The following MYRF variants were observed in gnomAD, a reference collection of about 807,000 sequenced individuals.
MYRF encodes myelin gene regulatory factor.
In MYRF, 16 loss-of-function variants were observed where a neutral mutation model predicts 126.3. The observed-to-expected ratio is 0.13, with a 90% CI of 0.09 to 0.19. The LOEUF (loss-of-function observed/expected upper bound fraction) is 0.19, where lower values mean the gene tolerates loss of function less well. Ranked by LOEUF, MYRF falls within the 10% of genes least tolerant of loss-of-function variation. MYRF has a pLI of 1.00. For synonymous variants in MYRF, 608 were observed against 635.3 expected (o/e 0.96, Z 0.65); for missense variants, 1,104 against 1,547.0 (o/e 0.71, Z 4.80).
In MYRF at chr11:61,771,962, C is replaced by T. The variant is rs146173629; in HGVS notation, c.1115+10C>T. ...CTAACTACAAGGAGCTGTGAGTGCCCTACAACACTCCCCACTCCTCCAGGC... is the reference window on the plus strand; with the variant it reads ...CTAACTACAAGGAGCTGTGAGTGCCTTACAACACTCCCCACTCCTCCAGGC... On this transcript the variant is annotated intron_variant, in intron 7 of 26. Transcript: ENST00000278836. 167 of 1,613,734 alleles carry T rather than the reference C, an allele frequency of 1.0e-4. No homozygotes were observed. The highest frequency in any genetic ancestry group is 3.3e-4 in the Middle Eastern group (2 of 6,050).
In MYRF at chr11:61,781,654, C is replaced by G; in HGVS notation, c.2846C>G (p.Ser949Cys). 1 of 1,613,836 alleles carries G rather than the reference C, an allele frequency of 6.2e-7. No homozygotes were observed. Among genetic ancestry groups the G allele is most frequent in the Non-Finnish European group, 8.5e-7 (1 of 1,180,024 alleles). The change falls in exon 22 of 27, where the codon TCC becomes TGC. Residue 949 changes from serine (S) to cysteine (C), a missense_variant. By Grantham distance (112) the Ser-to-Cys change is moderately radical. This residue lies in a region of MYRF where 323 missense variants were observed against 383.1 expected (regional missense o/e 0.84). Transcript: ENST00000278836. ...WGLSVNGIGH[S>C]KHHKSLEPLA... ...CTTTCAGTCAATGGCATTGGCCACT[C>G]CAAGCATCACAAGAGTCTGGAGCCT...
chr11:61,785,545 A>G (rs1373250283), intron 25 of MYRF: 2 of 554,510 alleles, frequency 3.6e-6, no homozygotes, highest in African/African-American at 3.8e-5. Context: ...ACCCAGCACA[A>G]CAGGACTGGG....
At chr11:61,769,813 C>G (rs539303748) in intron 4 of MYRF, among the ~76,000 whole-genome samples, 1 of 152,244 alleles carries the variant, frequency 6.6e-6, no homozygotes, top group South Asian at 2.1e-4. Context: ...GGGGCCTCCC[C>G]GCTCAGGCTG....
chr11:61,779,741 G>A, intron 16 of MYRF, 101 bp from the exon 17 acceptor site: 1 of 1,261,554 alleles, frequency 7.9e-7, no homozygotes, highest in Non-Finnish European at 1.1e-6. Context: ...CCGGGGAAAT[G>A]GGGCACCCCC....
intron 1 of MYRF, among the ~76,000 whole-genome samples, chr11:61,758,284 C>G (rs1343804373): frequency 6.6e-6 from 1 of 152,226 alleles, no homozygotes; most frequent in Non-Finnish European, 1.5e-5. Flanking sequence ...GCCTCTGTCT[C>G]TCCTTTGTGG....
At chr11:61,765,167 T>C (rs1157098708) in intron 1 of MYRF, among the ~76,000 whole-genome samples, 1 of 152,124 alleles carries the variant, frequency 6.6e-6, no homozygotes. Flanking sequence ...GGCAGGACAG[T>C]GCCTGTTGGG....
intron 25 of MYRF, chr11:61,785,024 A>G (rs1565309126): frequency 1.3e-5 from 2 of 152,990 alleles, no homozygotes; most frequent in East Asian, 1.9e-4. Context: ...TTGGGGCCCC[A>G]TCTGTCCCAG....
chr11:61,764,842 CAG>C, intron 1 of MYRF, among the ~76,000 whole-genome samples: 1 of 152,340 alleles, frequency 6.6e-6, no homozygotes, highest in South Asian at 2.1e-4. Flanking sequence ...GGGCGGCAGG[CAG>C]AGGAGTGGAG....
intron 1 of MYRF, among the ~76,000 whole-genome samples, chr11:61,764,804 C>T (rs1221672994): frequency 6.6e-6 from 1 of 152,216 alleles, no homozygotes; most frequent in African/African-American, 2.4e-5. Context: ...CTTGGTGGGG[C>T]CGGGGCCAGC....
chr11:61,766,304 T>G, intron 3 of MYRF, 83 bp downstream of exon 3: 1 of 1,416,686 alleles, frequency 7.1e-7, no homozygotes, highest in Non-Finnish European at 9.4e-7. Flanking sequence ...TGGGAGGTGC[T>G]AGACACTGGC....
rs769623501 is a variant in MYRF, at chr11:61,781,626, G to T, written c.2818G>T (p.Gly940Cys). Residue 940 changes from glycine (G) to cysteine (C), a missense_variant, in exon 22 of 27, where the codon GGT becomes TGT. By Grantham distance (159) the Gly-to-Cys change is radical. Transcript: ENST00000278836. ...CACCAACATCAGAGCCAAGTCCTGGGGTCTTTCAGTCAATGGCATTGGCCA... is the reference window on the plus strand; with the variant it reads ...CACCAACATCAGAGCCAAGTCCTGGTGTCTTTCAGTCAATGGCATTGGCCA... ...PVTNIRAKSW[G>C]LSVNGIGHSK... The T allele has an allele frequency of 6.2e-7, 1 of 1,613,900 alleles. No homozygotes were observed. The highest frequency in any genetic ancestry group is 1.1e-5 in the South Asian group (1 of 91,088).
chr11:61,781,853 G>A, intron 22 of MYRF, 29 bp downstream of exon 22: 1 of 1,505,894 alleles, frequency 6.6e-7, no homozygotes, highest in Non-Finnish European at 8.8e-7. Context: ...ACACTACCCA[G>A]CCCAGCCTGG....
At chr11:61,773,470 G>A (rs1038604634) in intron 7 of MYRF, among the ~76,000 whole-genome samples, 3 of 152,218 alleles carry the variant, frequency 2.0e-5, no homozygotes, top group Non-Finnish European at 4.4e-5. Flanking sequence ...GCATCTGGGG[G>A]CTTGAGCAAG....
Position 61,786,956 on chromosome 11 carries a change from C to T in MYRF, c.*813C>T, listed in dbSNP as rs1337353588. On this transcript the variant is annotated 3_prime_UTR_variant, in exon 27 of 27. Coordinates refer to ENST00000278836, the MANE Select transcript of MYRF (RefSeq NM_001127392.3). The surrounding 1 kb of genome is among the most constrained non-coding windows in gnomAD (Gnocchi z 4.5). ...AGGAATATCCAGGAAGAGGAAATTC[C>T]CTTTGAGCCCCCAGATGGTATTGCA... 3.3e-5 allele frequency: 5 copies of T among 152,776 alleles called. No individual in the cohort carries two copies. In the East Asian group the frequency reaches 9.4e-4, roughly 29 times the overall value. The allele number at this position is 152,776 out of a possible 1,614,324, so 9.5% of individuals were successfully genotyped here.
intron 1 of MYRF, among the ~76,000 whole-genome samples, chr11:61,758,584 C>T (rs1250904177): frequency 6.6e-6 from 1 of 152,164 alleles, no homozygotes; most frequent in Non-Finnish European, 1.5e-5. Context: ...CTGGGCCTGT[C>T]GTCGGGTCAG....
At position 61,774,076 on chromosome 11, in the gene MYRF, G is replaced by A. The variant is rs763445446; in HGVS notation, c.1225G>A (p.Gly409Ser). 5.6e-6 allele frequency: 9 copies of A among 1,613,882 alleles called. No homozygotes were observed. Among genetic ancestry groups the A allele is most frequent in the East Asian group, 4.5e-5 (2 of 44,868 alleles). The change falls in exon 8 of 27, where the codon GGC (glycine) becomes AGC (serine). Residue 409 changes from glycine (G) to serine (S), a missense_variant. By Grantham distance (56) the Gly-to-Ser change is moderately conservative. This residue lies in a region of MYRF where 36 missense variants were observed against 47.5 expected (regional missense o/e 0.76). Transcript: ENST00000278836. Reference sequence around the variant, plus strand: ...CCACTTCCAGGTGACAGTGTACATCGGCATGCTGGGCGAGCCCAAGTACGT... The same window carrying A: ...CCACTTCCAGGTGACAGTGTACATCAGCATGCTGGGCGAGCCCAAGTACGT... ...KNHFQVTVYIGMLGEPKYVKT... is the reference protein window; with the variant it reads ...KNHFQVTVYISMLGEPKYVKT...
Position 61,781,151 on chromosome 11 carries a change from C to T in MYRF, c.2586C>T (p.Leu862=). 6.2e-7 allele frequency: 1 copy of T among 1,613,692 alleles called. No homozygotes were observed. Among genetic ancestry groups the T allele is most frequent in the Middle Eastern group, 1.6e-4 (1 of 6,062 alleles). The change falls in exon 21 of 27, where the codon CTC becomes CTT. Residue 862 remains leucine (L), a synonymous_variant. Coordinates refer to ENST00000278836, the MANE Select transcript of MYRF (RefSeq NM_001127392.3). The part of the protein sequence containing the change: ...QPSLLLVTTS[L]TSSAPGSAVR... ...TGGCCTCCTCAGTGACCACCAGCCT[C>T]ACCAGCTCGGCCCCAGGTTCTGCTG...
At position 61,786,608 on chromosome 11, in the gene MYRF, A is replaced by G. The variant is rs934415225; in HGVS notation, c.*465A>G. ...ATCCAGCCCTAAGAGACTTGGGTGG[A>G]CCCCCATGAGTCAATGGAGGGCAGA... On this transcript the variant is annotated 3_prime_UTR_variant, in exon 27 of 27. Transcript: ENST00000278836. This position sits in a 1 kb window ranked among gnomAD's most constrained non-coding sequence, Gnocchi z 4.5. 5.8e-6 allele frequency: 1 copy of G among 173,328 alleles called. No individual in the cohort carries two copies. The highest frequency in any genetic ancestry group is 2.4e-5 in the African/African-American group (1 of 41,992). 10.7% of individuals were successfully genotyped at this position (173,328 alleles called of 1,614,324 possible).
At chr11:61,765,742 C>T (rs189577262) in intron 2 of MYRF, 30 bp downstream of exon 2, 93 of 1,589,048 alleles carry the variant, frequency 5.9e-5, no homozygotes, top group Middle Eastern at 2.0e-4. Flanking sequence ...GGCCTGCACC[C>T]GCCCAGCCCC....
Sources: gnomAD v4.1 joint callset for allele counts (sites outside exome capture counted in the v4.1 genomes callset) on GRCh38, gnomAD v4.1.1 for gene constraint, gnomAD v4.1.1 regional missense constraint, Gnocchi (gnomAD v3.1) non-coding constraint, MANE v1.5 for transcripts, NCBI Gene and HGNC (gene_info 2026-07-23, HGNC 2026-07-21) for gene names.